Variants in NBAS observed in about 807,000 individuals in gnomAD.
NBAS encodes NAG/BC035112 fusion.
A neutral mutation model predicts 302.5 loss-of-function variants in NBAS; 219 were observed. The observed-to-expected ratio is 0.72, with a 90% CI of 0.65 to 0.81. The LOEUF is 0.81. NBAS is among the 30% of genes least tolerant of loss of function. The pLI is 0.00. For missense variants in NBAS, 2,932 were observed against 2,841.6 expected (o/e 1.03, Z -0.72); for synonymous variants, 1,118 against 1,021.6 (o/e 1.09, Z -1.80).
At chr2:15,185,509 T>C (rs1665033125) in intron 50 of NBAS, among the ~76,000 whole-genome samples, 1 of 152,028 alleles carries the variant, frequency 6.6e-6, no homozygotes, top group Non-Finnish European at 1.5e-5. Flanking sequence ...GTGCACTGAG[T>C]CCCCATACTA....
the NBAS span, among the ~76,000 whole-genome samples, chr2:14,784,330 C>G: frequency 1.3e-5 from 2 of 152,206 alleles, no homozygotes. Context: ...AATTAGATCC[C>G]ATTTGTCAAT....
chr2:14,895,739 C>CAAAAAAAAAA, the NBAS span, among the ~76,000 whole-genome samples: 1 of 95,472 alleles, frequency 1.0e-5, no homozygotes. Context: ...GACTCCGTCT[C>CAAAAAAAAAA]AAAAAAAAAA....
chr2:15,345,344 A>G (rs760044587), intron 35 of NBAS, among the ~76,000 whole-genome samples: 1 of 152,190 alleles, frequency 6.6e-6, no homozygotes, highest in Non-Finnish European at 1.5e-5. Context: ...AAAAACCACA[A>G]GCATTCCTTT....
At chr2:14,795,950 ATTTC>A in the NBAS span, among the ~76,000 whole-genome samples, 2 of 152,192 alleles carry the variant, frequency 1.3e-5, no homozygotes, top group African/African-American at 4.8e-5. Flanking sequence ...AAGTTTTATG[ATTTC>A]TTTATGATTT....
the NBAS span, among the ~76,000 whole-genome samples, chr2:15,051,902 T>C: frequency 6.6e-6 from 1 of 152,202 alleles, no homozygotes; most frequent in African/African-American, 2.4e-5. Context: ...TACCTCTTTT[T>C]TTTTCAAGAG....
At chr2:15,017,500 A>T in the NBAS span, among the ~76,000 whole-genome samples, 1 of 142,008 alleles carries the variant, frequency 7.0e-6, no homozygotes, top group African/African-American at 2.8e-5. Context: ...TCAGCAAATG[A>T]TCTGAACAGG....
At position 15,340,912 on chromosome 2, in the gene NBAS, C is replaced by A. The variant is rs528932013; in HGVS notation, c.4180-10147G>T. Among the ~76,000 whole-genome samples the A allele has an allele frequency of 7.2e-5, 11 of 152,186 alleles. 1 individual carries two copies. The South Asian group carries it at 1.5e-3, about 20-fold the overall frequency. On this transcript the variant is annotated intron_variant, in intron 35 of 51. Coordinates refer to ENST00000281513, the MANE Select transcript of NBAS (RefSeq NM_015909.4). ...TCACTGGTGGTGACCGAGGCACAAG[C>A]TGTTCTGGTAAAATGGTGACGAAAG...
chr2:15,546,685 G>A (rs996766965), intron 6 of NBAS, among the ~76,000 whole-genome samples: 4 of 152,278 alleles, frequency 2.6e-5, no homozygotes, highest in Admixed American at 1.3e-4. Context: ...CCTAGATGGC[G>A]CCACTGCACT....
the NBAS span, among the ~76,000 whole-genome samples, chr2:15,121,483 G>A: frequency 8.6e-6 from 1 of 116,122 alleles, no homozygotes; most frequent in Non-Finnish European, 1.6e-5. Flanking sequence ...TCAAACACTA[G>A]GACAAAACAC....
chr2:15,180,949 C>T (rs960325743), intron 50 of NBAS, among the ~76,000 whole-genome samples: 1 of 152,180 alleles, frequency 6.6e-6, no homozygotes, highest in African/African-American at 2.4e-5. Context: ...ACTTCCTCCG[C>T]AAAAGCACCC....
intron 51 of NBAS, among the ~76,000 whole-genome samples, chr2:15,176,879 G>A (rs1467394043): frequency 2.0e-5 from 3 of 152,148 alleles, no homozygotes; most frequent in Admixed American, 6.5e-5. Context: ...ACAACTGAAC[G>A]TGAATTTAAA....
chr2:15,377,338 T>G (rs1674792466), intron 30 of NBAS, among the ~76,000 whole-genome samples: 1 of 152,200 alleles, frequency 6.6e-6, no homozygotes. Context: ...GAAGGGGCCC[T>G]TTAGTGCCTT....
intron 28 of NBAS, among the ~76,000 whole-genome samples, chr2:15,386,525 T>A (rs1355881949): frequency 6.6e-6 from 1 of 152,186 alleles, no homozygotes; most frequent in African/African-American, 2.4e-5. Context: ...CTTCTTTACA[T>A]TTTTACGTAG....
intron 30 of NBAS, 120 bp from the exon 31 acceptor site, chr2:15,374,840 G>A (rs1674656210): frequency 2.3e-5 from 19 of 830,072 alleles, no homozygotes; most frequent in South Asian, 2.2e-4. Flanking sequence ...AATTCATTCC[G>A]CTGGATGCCT....
chr2:14,844,471 C>A, the NBAS span, among the ~76,000 whole-genome samples: 3 of 152,192 alleles, frequency 2.0e-5, no homozygotes, highest in Non-Finnish European at 2.9e-5. Context: ...TCAGCACATT[C>A]CCAGCTATGG....
intron 32 of NBAS, among the ~76,000 whole-genome samples, chr2:15,364,496 A>T (rs1442432554): frequency 6.6e-6 from 1 of 151,966 alleles, no homozygotes; most frequent in East Asian, 1.9e-4. Context: ...GCGCCATTGC[A>T]CTCCAGCCTG....
intron 50 of NBAS, chr2:15,179,468 T>A: frequency 3.7e-6 from 1 of 272,392 alleles, no homozygotes; most frequent in Non-Finnish European, 7.0e-6. Context: ...CCTTTGCAGG[T>A]TTTGTGTTTT....
At chr2:15,120,277 T>C in the NBAS span, among the ~76,000 whole-genome samples, 1 of 152,332 alleles carries the variant, frequency 6.6e-6, no homozygotes, top group East Asian at 1.9e-4. Flanking sequence ...AGGGTATTGG[T>C]TGGTAAATTC....
chr2:15,475,763 A>G lies in NBAS; in HGVS notation c.1265T>C (p.Leu422Pro). Reference protein sequence around the residue: ...VSSVKTLKNLLGKSCEWFEPS... With the variant: ...VSSVKTLKNLPGKSCEWFEPS... ...TTCAAACCATTCACAGGATTTTCCC[A>G]GTAAATTCTTCAAAGTTTTCACAGA... The change falls in exon 14 of 52, where the codon CTG becomes CCG. Residue 422 changes from leucine (L) to proline (P), a missense_variant. Leu to Pro is a moderately conservative substitution (Grantham distance 98). Transcript: ENST00000281513. The G allele has an allele frequency of 6.2e-7, 1 of 1,614,136 alleles. No homozygotes were observed. Among genetic ancestry groups the G allele is most frequent in the Non-Finnish European group, 8.5e-7 (1 of 1,179,990 alleles).
Sources: gnomAD v4.1 joint callset for allele counts (sites outside exome capture counted in the v4.1 genomes callset) on GRCh38, gnomAD v4.1.1 for gene constraint, MANE v1.5 for transcripts, NCBI Gene and HGNC (gene_info 2026-07-23, HGNC 2026-07-21) for gene names.